The following METTL24 variants were observed in gnomAD, a reference collection of about 807,000 sequenced individuals.
METTL24 encodes the protein methyltransferase like 24.
METTL24 carries 29 observed loss-of-function variants against 32.7 expected under a neutral mutation model. The observed-to-expected ratio is 0.89, with a 90% confidence interval of 0.66 to 1.21. METTL24 has a LOEUF of 1.21. Among genes scored for constraint, METTL24 ranks in the 50% most tolerant of loss-of-function variants. The pLI is 0.00. For missense variants in METTL24, 439 were observed against 468.1 expected (o/e 0.94, Z 0.57); for synonymous variants, 163 against 179.5 (o/e 0.91, Z 0.73).
At chr6:110,328,562 G>C (rs1046707387) in intron 1 of METTL24, among the ~76,000 whole-genome samples, 3 of 152,092 alleles carry the variant, frequency 2.0e-5, no homozygotes, top group Non-Finnish European at 4.4e-5. Context: ...ATGAGGCTTT[G>C]GGATATTTTT....
intron 1 of METTL24, chr6:110,332,517 T>C (rs932087011): frequency 3.1e-6 from 3 of 981,832 alleles, no homozygotes; most frequent in African/African-American, 3.5e-5. Flanking sequence ...GCATACGTAG[T>C]AAAGTTTCAG....
chr6:110,279,820 T>C (rs1163272771), intron 4 of METTL24, among the ~76,000 whole-genome samples: 4 of 152,168 alleles, frequency 2.6e-5, no homozygotes, highest in Non-Finnish European at 5.9e-5. Context: ...ATTCTCATGT[T>C]GCTCTAAAGA....
chr6:110,299,099 A>T lies in METTL24; in HGVS notation c.609T>A (p.Cys203Ter). 1 of 1,614,202 alleles carries T rather than the reference A, an allele frequency of 6.2e-7. No individual in the cohort carries two copies. The highest frequency in any genetic ancestry group is 8.5e-7 in the Non-Finnish European group (1 of 1,180,028). ...HFEVSMANNG[C>*]EVHRFDPSVK... ...CACTAGGATCAAAACGATGCACTTC[A>T]CATCCGTTGTTGGCCATGCTAACCT... The change falls in exon 4 of 5, where the codon TGT becomes TGA. Residue 203 changes from cysteine to a stop codon, truncating the protein, a stop_gained. Transcript: ENST00000338882. LOFTEE classifies it high-confidence loss of function.
In METTL24 at chr6:110,246,159, C is replaced by A; in HGVS notation, c.888G>T (p.Glu296Asp). The A allele has an allele frequency of 6.2e-7, 1 of 1,614,162 alleles. No homozygotes were observed. The highest frequency in any genetic ancestry group is 8.5e-7 in the Non-Finnish European group (1 of 1,180,032). The change falls in exon 5 of 5, where the codon GAG (glutamate) becomes GAT (aspartate). Residue 296 changes from glutamate to aspartate, a missense_variant. By Grantham distance (45) the Glu-to-Asp change is conservative. Transcript: ENST00000338882. ...CAAACCCAGGCCAGTGGAGATGGAT[C>A]TCAAAGATGAGCTGTCCAATCTGCT... is the stretch of plus-strand genomic sequence containing the variant. ...VLEQIGQLIF[E>D]IHLHWPGFEV...
chr6:110,345,349 A>G (rs917151085), intron 1 of METTL24, among the ~76,000 whole-genome samples: 1 of 152,250 alleles, frequency 6.6e-6, no homozygotes, highest in Non-Finnish European at 1.5e-5. Flanking sequence ...GAGTTCAACC[A>G]TTGTGAAAAG....
intron 4 of METTL24, among the ~76,000 whole-genome samples, chr6:110,271,481 A>G (rs1770957787): frequency 6.6e-6 from 1 of 151,928 alleles, no homozygotes; most frequent in South Asian, 2.1e-4. Context: ...AAGAGCATAC[A>G]TTTTCAATTT....
chr6:110,254,955 T>C (rs1248932509), intron 4 of METTL24, among the ~76,000 whole-genome samples: 3 of 152,176 alleles, frequency 2.0e-5, no homozygotes, highest in African/African-American at 4.8e-5. Context: ...ATTGTGAATG[T>C]GAACAAGAAT....
intron 1 of METTL24, among the ~76,000 whole-genome samples, chr6:110,326,064 C>G (rs1027911994): frequency 1.3e-5 from 2 of 152,196 alleles, no homozygotes; most frequent in African/African-American, 4.8e-5. Context: ...TTCTAGAAAC[C>G]AGAATTCCTC....
intron 4 of METTL24, among the ~76,000 whole-genome samples, chr6:110,261,625 A>G (rs1414689148): frequency 1.3e-5 from 2 of 152,348 alleles, no homozygotes; most frequent in East Asian, 3.9e-4. Flanking sequence ...CCTAATAGAC[A>G]TCTACAGAAC....
At chr6:110,280,325 G>C (rs947300729) in intron 4 of METTL24, among the ~76,000 whole-genome samples, 10 of 152,066 alleles carry the variant, frequency 6.6e-5, no homozygotes, top group African/African-American at 2.2e-4. Flanking sequence ...GGCCCTTAAC[G>C]AATTATCTTG....
chr6:110,343,677 A>G (rs951217506), intron 1 of METTL24, among the ~76,000 whole-genome samples: 1 of 152,194 alleles, frequency 6.6e-6, no homozygotes, highest in Non-Finnish European at 1.5e-5. Flanking sequence ...AAGAGAATGC[A>G]GGAACAATGG....
At chr6:110,331,817 T>C (rs532945555) in intron 1 of METTL24, among the ~76,000 whole-genome samples, 1 of 152,164 alleles carries the variant, frequency 6.6e-6, no homozygotes, top group Non-Finnish European at 1.5e-5. Flanking sequence ...GTGCTGGATA[T>C]TAAAGACAAC....
At chr6:110,261,529 A>T (rs914194146) in intron 4 of METTL24, among the ~76,000 whole-genome samples, 1 of 152,298 alleles carries the variant, frequency 6.6e-6, no homozygotes, top group East Asian at 1.9e-4. Context: ...AGACTTTAAC[A>T]CACCACTGTC....
At chr6:110,294,955 TAAGTA>T (rs1771383236) in intron 4 of METTL24, among the ~76,000 whole-genome samples, 1 of 151,238 alleles carries the variant, frequency 6.6e-6, no homozygotes, top group Non-Finnish European at 1.5e-5. Flanking sequence ...ACCAATTTGA[TAAGTA>T]AAGAGAAAAA....
At chr6:110,260,804 C>T (rs1192827773) in intron 4 of METTL24, among the ~76,000 whole-genome samples, 1 of 152,076 alleles carries the variant, frequency 6.6e-6, no homozygotes, top group Non-Finnish European at 1.5e-5. Flanking sequence ...AGAGTGGGGG[C>T]CAATATTCAA....
chr6:110,350,422 C>T (rs1289218667), intron 1 of METTL24, among the ~76,000 whole-genome samples: 1 of 152,002 alleles, frequency 6.6e-6, no homozygotes, highest in Non-Finnish European at 1.5e-5. Flanking sequence ...CAGAAATAAT[C>T]ATGCATTAAA....
At chr6:110,293,698 A>G (rs1027335995) in intron 4 of METTL24, among the ~76,000 whole-genome samples, 22 of 152,164 alleles carry the variant, frequency 1.4e-4, no homozygotes, top group Non-Finnish European at 2.9e-4. Context: ...TGACAAAATT[A>G]TAGAAATAGA....
At chr6:110,355,673 C>T (rs1772685859) in intron 1 of METTL24, among the ~76,000 whole-genome samples, 1 of 152,238 alleles carries the variant, frequency 6.6e-6, no homozygotes, top group Non-Finnish European at 1.5e-5. Flanking sequence ...GCCTATTTGA[C>T]ATTTTCACAT....
intron 4 of METTL24, among the ~76,000 whole-genome samples, chr6:110,264,824 G>A (rs1248872560): frequency 6.6e-6 from 1 of 152,088 alleles, no homozygotes; most frequent in Non-Finnish European, 1.5e-5. Context: ...CCTTTGTAGG[G>A]ACATGGATGA....
Sources: allele counts gnomAD v4.1 joint callset (sites outside exome capture counted in the v4.1 genomes callset), GRCh38; gene constraint gnomAD v4.1.1; transcripts MANE v1.5; gene names NCBI Gene and HGNC (gene_info 2026-07-23, HGNC 2026-07-21).